The following PCDHA11 variants were observed in gnomAD, a reference collection of about 807,000 sequenced individuals.
The protein encoded by PCDHA11 is protocadherin alpha-11.
Under a neutral mutation model 70.3 loss-of-function variants are expected in PCDHA11, and 61 were observed. The ratio of observed to expected loss-of-function variants is 0.87; its 90% confidence interval spans 0.71 to 1.07. The LOEUF (loss-of-function observed/expected upper bound fraction) is 1.07. PCDHA11 is among the 50% of genes least tolerant of loss of function. The probability of loss-of-function intolerance (pLI) is 0.00; values close to 1 mark genes in which losing one functional copy is unlikely to be tolerated. For synonymous variants in PCDHA11, 633 were observed against 555.1 expected, an observed-to-expected ratio of 1.14 and a Z score of -1.97; for missense variants, 1,324 against 1,237.5, an observed-to-expected ratio of 1.07 and a Z score of -1.05.
chr5:140,925,026 G>A (rs1440774987), intron 1 of PCDHA11, among the ~76,000 whole-genome samples: 1 of 151,826 alleles, frequency 6.6e-6, no homozygotes, highest in Non-Finnish European at 1.5e-5. Flanking sequence ...TGGGAGGATC[G>A]CTTGAGCCCA....
Position 140,918,290 on chromosome 5 carries a change from C to A in PCDHA11, c.2391+46796C>A, listed in dbSNP as rs188994807. ...TTTATCAGATGTAGGAGCTTTTTGG[C>A]AGAGAATATAGGGTTTTCTAGGTAT... On this transcript the variant is annotated intron_variant, in intron 1 of 3. Transcript: ENST00000398640. Among the ~76,000 whole-genome samples the A allele has an allele frequency of 2.1e-3, 321 of 152,226 alleles. 1 individual carries two copies. Among genetic ancestry groups the A allele is most frequent in the African/African-American group, 7.5e-3 (313 of 41,534 alleles).
chr5:140,930,654 C>T (rs1229167848), intron 1 of PCDHA11, among the ~76,000 whole-genome samples: 1 of 152,106 alleles, frequency 6.6e-6, no homozygotes, highest in Non-Finnish European at 1.5e-5. Context: ...ATGAAGCATT[C>T]CTTGTTTTAC....
chr5:140,884,409 C>T, intron 1 of PCDHA11: 4 of 1,613,992 alleles, frequency 2.5e-6, no homozygotes, highest in Non-Finnish European at 3.4e-6. Context: ...TTGGTGCTCA[C>T]GTTGCTGCTG....
chr5:140,951,707 G>A (rs1162162711), intron 1 of PCDHA11, among the ~76,000 whole-genome samples: 6 of 152,076 alleles, frequency 3.9e-5, no homozygotes, highest in African/African-American at 1.4e-4. Flanking sequence ...TTTGGGCGGG[G>A]ACACAGATCC....
chr5:140,964,689 GAGAGATTA>G (rs781865484), intron 1 of PCDHA11, among the ~76,000 whole-genome samples: 4 of 152,008 alleles, frequency 2.6e-5, no homozygotes, highest in Non-Finnish European at 5.9e-5. Context: ...TTGTGCACTT[GAGAGATTA>G]AGGCCTCCGA....
chr5:140,936,545 G>A (rs1456098221), intron 1 of PCDHA11, among the ~76,000 whole-genome samples: 1 of 152,202 alleles, frequency 6.6e-6, no homozygotes, highest in African/African-American at 2.4e-5. Context: ...ATAGTGCAAT[G>A]TAGAAGTCAA....
At chr5:140,898,054 A>G (rs1401215235) in intron 1 of PCDHA11, among the ~76,000 whole-genome samples, 2 of 151,638 alleles carry the variant, frequency 1.3e-5, no homozygotes, top group African/African-American at 4.8e-5. Flanking sequence ...TTTTCTTGTA[A>G]ATTTGTTTGA....
At chr5:140,941,317 CTCT>C (rs2093029316) in intron 1 of PCDHA11, among the ~76,000 whole-genome samples, 2 of 99,150 alleles carry the variant, frequency 2.0e-5, no homozygotes, top group Non-Finnish European at 4.2e-5. Flanking sequence ...TTTCTTCTTT[CTCT>C]TTTTTTTTTT....
chr5:140,884,323 C>G (rs1554181434), intron 1 of PCDHA11: 10 of 1,613,816 alleles, frequency 6.2e-6, no homozygotes, highest in Non-Finnish European at 8.5e-6. Context: ...CGTCGGCAGG[C>G]GCTGTGGGTC....
In PCDHA11 at chr5:140,876,910, T is replaced by C. The variant is rs184817309; in HGVS notation, c.2391+5416T>C. On this transcript the variant is annotated intron_variant, in intron 1 of 3. Transcript: ENST00000398640. ...CTGCCACATCTTCACGGTGTCGGCA[T>C]GGGACGCGGACGCGCAGAAGAACGC... 5 of 1,613,976 alleles carry C rather than the reference T, an allele frequency of 3.1e-6. No individual in the cohort carries two copies. In the African/African-American group the frequency reaches 4.0e-5, roughly 13 times the overall value.
intron 1 of PCDHA11, among the ~76,000 whole-genome samples, chr5:140,976,117 G>C (rs782098917): frequency 5.4e-4 from 82 of 152,208 alleles, no homozygotes; most frequent in Admixed American, 1.4e-3. Flanking sequence ...ATTTTTCCAA[G>C]TTTAATCAAG....
intron 3 of PCDHA11, among the ~76,000 whole-genome samples, chr5:141,000,351 G>GTC: frequency 1.5e-5 from 1 of 66,852 alleles, no homozygotes; most frequent in Non-Finnish European, 2.9e-5. Flanking sequence ...CTCTCTCTCT[G>GTC]TCTCTCTCTG....
chr5:140,949,068 CTT>C (rs1199095008), intron 1 of PCDHA11, among the ~76,000 whole-genome samples: 2 of 151,676 alleles, frequency 1.3e-5, no homozygotes, highest in African/African-American at 4.8e-5. Context: ...TGATTTAACT[CTT>C]TCACCCATTT....
intron 3 of PCDHA11, among the ~76,000 whole-genome samples, chr5:141,009,094 C>T (rs1350235475): frequency 6.6e-6 from 1 of 152,176 alleles, no homozygotes; most frequent in Non-Finnish European, 1.5e-5. Flanking sequence ...AAGAACCAAA[C>T]ATATGTTACT....
intron 1 of PCDHA11, chr5:140,876,095 T>G (rs781801828): frequency 6.2e-7 from 1 of 1,613,928 alleles, no homozygotes; most frequent in Admixed American, 1.7e-5. Context: ...ACGCCAAAAC[T>G]CAATTTATTG....
At chr5:140,897,547 C>T (rs1276931434) in intron 1 of PCDHA11, among the ~76,000 whole-genome samples, 3 of 152,076 alleles carry the variant, frequency 2.0e-5, no homozygotes, top group Non-Finnish European at 2.9e-5. Context: ...CATAGTCTTC[C>T]ATGGTGTATA....
chr5:140,875,918 A>T, intron 1 of PCDHA11: 1 of 1,613,782 alleles, frequency 6.2e-7, no homozygotes, highest in Non-Finnish European at 8.5e-7. Flanking sequence ...GCGCCTCTGG[A>T]CTCTCATTTT....
chr5:140,957,138 C>G (rs1554222835), intron 1 of PCDHA11, among the ~76,000 whole-genome samples: 1 of 151,982 alleles, frequency 6.6e-6, no homozygotes, highest in African/African-American at 2.4e-5. Flanking sequence ...ACACTATGAA[C>G]TAAAAATTTT....
At chr5:140,942,601 GT>G (rs1453167051) in intron 1 of PCDHA11, among the ~76,000 whole-genome samples, 1 of 130,480 alleles carries the variant, frequency 7.7e-6, no homozygotes, top group Non-Finnish European at 1.6e-5. Flanking sequence ...TAATTATAGT[GT>G]TTATATTTGC....
Sources: allele counts gnomAD v4.1 joint callset (sites outside exome capture counted in the v4.1 genomes callset), GRCh38; gene constraint gnomAD v4.1.1; transcripts MANE v1.5; gene names NCBI Gene and HGNC (gene_info 2026-07-23, HGNC 2026-07-21).